Variants in IL10RA observed in about 807,000 individuals in gnomAD.
IL10RA encodes the protein interleukin-10 receptor subunit alpha.
In IL10RA, 18 loss-of-function variants were observed where a neutral mutation model predicts 29.6. That is an observed-to-expected ratio of 0.61 (90% CI 0.42 to 0.90). The LOEUF (loss-of-function observed/expected upper bound fraction) is 0.90, where lower values mean the gene tolerates loss of function less well. Ranked by LOEUF, IL10RA falls within the 40% of genes least tolerant of loss-of-function variation. IL10RA has a pLI of 0.00. For synonymous variants in IL10RA, 292 were observed against 294.1 expected, an observed-to-expected ratio of 0.99 and a Z score of 0.07; for missense variants, 634 against 716.6, an observed-to-expected ratio of 0.88 and a Z score of 1.32.
chr11:117,986,854 G>A, intron 1 of IL10RA: 1 of 1,439,276 alleles, frequency 6.9e-7, no homozygotes, highest in East Asian at 3.1e-5. Context: ...AGGTTCAAAT[G>A]ATGGGACTTC....
At position 118,001,055 on chromosome 11, in the gene IL10RA, G is replaced by A. The variant is rs1407065523; in HGVS notation, c.*1414G>A. On this transcript the variant is annotated 3_prime_UTR_variant, in exon 7 of 7. Coordinates refer to ENST00000227752, the MANE Select transcript of IL10RA (RefSeq NM_001558.4). ...GAGCATTCTGAAAACAGATATTCTG[G>A]CCCAGGGAATCCAGCCATGACCCCC... 1 of 454,132 alleles carries A rather than the reference G, an allele frequency of 2.2e-6. No individual in the cohort carries two copies. The highest frequency in any genetic ancestry group is 6.9e-5 in the East Asian group (1 of 14,546). 28.1% of individuals were successfully genotyped at this position (454,132 alleles called of 1,614,324 possible). A position where few individuals can be genotyped will look rare whatever the true frequency, so the allele number is the denominator to read the frequency against.
At chr11:117,994,223 C>CAGCATCCCAGG in intron 5 of IL10RA, 74 bp downstream of exon 5, 1 of 1,346,762 alleles carries the variant, frequency 7.4e-7, no homozygotes, top group Non-Finnish European at 1.0e-6. Flanking sequence ...ACGCGTGCAC[C>CAGCATCCCAGG]TGGGATGCTG....
At chr11:117,990,351 TA>T (rs1218554012) in intron 3 of IL10RA, among the ~76,000 whole-genome samples, 3 of 81,130 alleles carry the variant, frequency 3.7e-5, no homozygotes, top group Middle Eastern at 0.013. Flanking sequence ...AGGGCATCTG[TA>T]TTTTTTTTTT....
In IL10RA at chr11:117,998,702, C is replaced by G; in HGVS notation, c.811-13C>G. On this transcript the variant is annotated splice_polypyrimidine_tract_variant and intron_variant, in intron 6 of 6. Coordinates refer to ENST00000227752, the MANE Select transcript of IL10RA (RefSeq NM_001558.4). ...TGACTCCTGCTTCTCTCACTCTGCC[C>G]TCTCTTCCCCAGCTCTTCAAGAAGC... The G allele has an allele frequency of 1.2e-6, 2 of 1,613,494 alleles. No individual in the cohort carries two copies. The highest frequency in any genetic ancestry group is 1.3e-5 in the African/African-American group (1 of 75,038).
chr11:117,996,203 T>C (rs1177124395), intron 6 of IL10RA, among the ~76,000 whole-genome samples: 2 of 151,684 alleles, frequency 1.3e-5, no homozygotes, highest in Non-Finnish European at 2.9e-5. Flanking sequence ...CCAGAAGTGC[T>C]GGTCCTCGGG....
intron 1 of IL10RA, chr11:117,986,914 T>A: frequency 9.0e-7 from 1 of 1,115,780 alleles, no homozygotes; most frequent in South Asian, 1.3e-5. Flanking sequence ...CTTCTCTTAG[T>A]CGACTCTTCA....
At chr11:117,995,405 G>C in intron 5 of IL10RA, 184 bp from the exon 6 acceptor site, 1 of 702,456 alleles carries the variant, frequency 1.4e-6, no homozygotes, top group Admixed American at 2.1e-5. Context: ...GCATGGTTTG[G>C]AAGGCCAGGT....
At chr11:117,995,444 A>G in intron 5 of IL10RA, 145 bp from the exon 6 acceptor site, 1 of 979,088 alleles carries the variant, frequency 1.0e-6, no homozygotes, top group Admixed American at 1.8e-5. Context: ...AGACACATCT[A>G]GAGTTGTGGC....
At chr11:117,994,264 C>T (rs2282496) in intron 5 of IL10RA, 115 bp downstream of exon 5, 54,651 of 795,320 alleles carry the variant, frequency 0.069, 4,017 homozygotes, top group East Asian at 0.37. Context: ...TGCTGCTTCA[C>T]ATAGCTCTGC....
At chr11:117,986,893 C>T in intron 1 of IL10RA, 1 of 1,246,898 alleles carries the variant, frequency 8.0e-7, no homozygotes, top group Non-Finnish European at 1.1e-6. Context: ...ATTTTGATCT[C>T]CTGACTCTCC....
At chr11:117,993,478 C>G (rs1179890997) in intron 4 of IL10RA, 68 bp downstream of exon 4, 1 of 1,385,712 alleles carries the variant, frequency 7.2e-7, no homozygotes, top group African/African-American at 1.4e-5. Flanking sequence ...GCTGGAAGCA[C>G]CCTTGTGTGC....
In IL10RA at chr11:118,000,675, C is replaced by T. The variant is rs1459516319; in HGVS notation, c.*1034C>T. The T allele has an allele frequency of 2.2e-6, 1 of 454,290 alleles. No homozygotes were observed. Among genetic ancestry groups the T allele is most frequent in the Non-Finnish European group, 4.4e-6 (1 of 226,792 alleles). The allele number at this position is 454,290 out of a possible 1,614,324, so 28.1% of individuals were successfully genotyped here. A position where few individuals can be genotyped will look rare whatever the true frequency, so the allele number is the denominator to read the frequency against. The stretch of plus-strand genomic sequence containing the variant: ...CAGCTGTGTGATTTTGGACTAGCCA[C>T]TTGTCAGAGGGCCTCAATCTCCCAT... On this transcript the variant is annotated 3_prime_UTR_variant, in exon 7 of 7. Transcript: ENST00000227752.
In IL10RA at chr11:118,000,356, C is replaced by G; in HGVS notation, c.*715C>G. The G allele has an allele frequency of 2.2e-6, 1 of 454,236 alleles. No homozygotes were observed. The highest frequency in any genetic ancestry group is 1.6e-5 in the South Asian group (1 of 64,476). The allele number at this position is 454,236 out of a possible 1,614,324, so 28.1% of individuals were successfully genotyped here. On this transcript the variant is annotated 3_prime_UTR_variant, in exon 7 of 7. Transcript: ENST00000227752. ...CTCTGGCACCCATCTGCAAATATCTCCCTCTCTCCAACAAATGGAGTAGCA... is the reference window on the plus strand; with the variant it reads ...CTCTGGCACCCATCTGCAAATATCTGCCTCTCTCCAACAAATGGAGTAGCA...
chr11:117,997,548 G>A (rs942451509), intron 6 of IL10RA, among the ~76,000 whole-genome samples: 2 of 152,212 alleles, frequency 1.3e-5, no homozygotes, highest in African/African-American at 4.8e-5. Context: ...GAATCATCAT[G>A]TACCAAGGAA....
At chr11:117,988,711 A>T (rs1018770824) in intron 2 of IL10RA, among the ~76,000 whole-genome samples, 1 of 152,006 alleles carries the variant, frequency 6.6e-6, no homozygotes, top group African/African-American at 2.4e-5. Context: ...GCCTTTGCTC[A>T]CTCCAGAGTA....
At chr11:117,986,923 C>T in intron 1 of IL10RA, 1 of 969,750 alleles carries the variant, frequency 1.0e-6, no homozygotes, top group Non-Finnish European at 1.4e-6. Context: ...GTCGACTCTT[C>T]AACTAACCTC....
chr11:118,002,657 A>G (rs2508446), downstream of IL10RA: 111,691 of 152,238 alleles, frequency 0.73, 41,503 homozygotes, highest in East Asian at 0.99. Context: ...GTCAGAAGAC[A>G]CAGCCCTTGG....
At chr11:117,993,491 T>C (rs2058037701) in intron 4 of IL10RA, 81 bp downstream of exon 4, 10 of 1,294,076 alleles carry the variant, frequency 7.7e-6, no homozygotes, top group Admixed American at 1.7e-5. Context: ...TTGTGTGCCA[T>C]TGGGAACTTT....
At chr11:117,986,876 G>A in intron 1 of IL10RA, 8 of 1,366,198 alleles carry the variant, frequency 5.9e-6, no homozygotes, top group Non-Finnish European at 7.7e-6. Flanking sequence ...TGTCCCCTTG[G>A]GGAATAATTT....
Sources: gnomAD v4.1 joint callset for allele counts (sites outside exome capture counted in the v4.1 genomes callset) on GRCh38, gnomAD v4.1.1 for gene constraint, MANE v1.5 for transcripts, NCBI Gene and HGNC (gene_info 2026-07-23, HGNC 2026-07-21) for gene names.